The following SENP2 variants were observed in gnomAD, a reference collection of about 807,000 sequenced individuals.
The protein encoded by SENP2 is SUMO specific peptidase 2.
Under a neutral mutation model 86.3 loss-of-function variants are expected in SENP2, and 16 were observed. The ratio of observed to expected loss-of-function variants is 0.19; its 90% CI spans 0.13 to 0.28. SENP2 has a LOEUF of 0.28. Ranked by LOEUF, SENP2 falls within the 10% of genes least tolerant of loss-of-function variation. SENP2 has a pLI of 1.00. For synonymous variants in SENP2, 222 were observed against 238.7 expected, an observed-to-expected ratio of 0.93 and a Z score of 0.64; for missense variants, 552 against 703.0, an observed-to-expected ratio of 0.79 and a Z score of 2.43.
At chr3:185,590,319 A>T in intron 2 of SENP2, 150 bp downstream of exon 2, 1 of 344,486 alleles carries the variant, frequency 2.9e-6, no homozygotes, top group East Asian at 5.4e-5. Context: ...AGGCCAAGGC[A>T]GGCGGATCAC....
In SENP2 at chr3:185,612,634, T is replaced by A. The variant is rs2148990120; in HGVS notation, c.845T>A (p.Leu282Gln). 43 of 1,609,668 alleles carry A rather than the reference T, an allele frequency of 2.7e-5. No homozygotes were observed. The highest frequency in any genetic ancestry group is 3.7e-5 in the Non-Finnish European group (43 of 1,176,130). Residue 282 changes from leucine to glutamine, a missense_variant, in exon 9 of 17, where the codon CTA (leucine) becomes CAA (glutamine). Coordinates refer to ENST00000296257, the MANE Select transcript of SENP2 (RefSeq NM_021627.3). Reference protein sequence around the residue: ...QYRLVETRGPLCSLRSEKRCS... With the variant: ...QYRLVETRGPQCSLRSEKRCS... ...AGACTTGTTGAAACAAGGGGACCTC[T>A]ATGTTCATTGAGAAGTGAAAAGAGG...
At chr3:185,605,252 C>T (rs1432942311) in intron 5 of SENP2, among the ~76,000 whole-genome samples, 3 of 151,528 alleles carry the variant, frequency 2.0e-5, no homozygotes, top group Non-Finnish European at 4.4e-5. Context: ...GCGCCTGTAA[C>T]CCCAGCTACA....
chr3:185,611,508 T>G, intron 7 of SENP2, 143 bp from the exon 8 acceptor site: 1 of 548,818 alleles, frequency 1.8e-6, no homozygotes, highest in Non-Finnish European at 3.3e-6. Flanking sequence ...TAGTCCCACA[T>G]AGTTGCTTCC....
intron 15 of SENP2, among the ~76,000 whole-genome samples, chr3:185,625,954 G>A (rs1265629158): frequency 6.6e-6 from 1 of 152,144 alleles, no homozygotes; most frequent in Non-Finnish European, 1.5e-5. Flanking sequence ...GTGGGGTCGG[G>A]TCATGCACTC....
At position 185,614,670 on chromosome 3, in the gene SENP2, A is replaced by G. The variant is rs1196981558; in HGVS notation, c.1040A>G (p.Glu347Gly). ...GLLRRKVSII[E>G]TKEKNCSGKE... ...CTCAGGAGGAAAGTGTCAATAATTGAGACAAAGGAAAAGAATTGCTCAGGC... is the reference window on the plus strand; with the variant it reads ...CTCAGGAGGAAAGTGTCAATAATTGGGACAAAGGAAAAGAATTGCTCAGGC... Residue 347 changes from glutamate to glycine, a missense_variant, in exon 11 of 17, where the codon GAG (glutamate) becomes GGG (glycine). By Grantham distance (98) the Glu-to-Gly change is moderately conservative (BLOSUM62 -2). Around this residue, in one of 2 missense-constraint regions of SENP2, gnomAD observed 383 missense variants for 427.3 expected, o/e 0.90. Transcript: ENST00000296257. The G allele has an allele frequency of 7.4e-6, 12 of 1,614,126 alleles. No individual in the cohort carries two copies. In the Admixed American group the frequency reaches 2.0e-4, roughly 27 times the overall value.
chr3:185,613,441 G>A (rs1033048996), intron 10 of SENP2, 33 bp downstream of exon 10: 3 of 1,303,074 alleles, frequency 2.3e-6, no homozygotes, highest in Non-Finnish European at 3.3e-6. Context: ...TTTGATACCT[G>A]TTTACTTATG....
chr3:185,607,888 C>T (rs187172555), intron 6 of SENP2, among the ~76,000 whole-genome samples: 15 of 152,332 alleles, frequency 9.8e-5, no homozygotes, highest in Non-Finnish European at 2.1e-4. Flanking sequence ...AAATGGTGTG[C>T]ATCTCTGCTT....
At position 185,633,415 on chromosome 3, in the gene SENP2, G is replaced by C. The variant is rs1207326136; in HGVS notation, c.*3571G>C. On this transcript the variant is annotated 3_prime_UTR_variant, in exon 17 of 17. Transcript: ENST00000296257. ...TACTTACTAACTCATTTGTAAATTG[G>C]CGATGTAGCTGGCTGTAGTATTGCT... is the stretch of plus-strand genomic sequence containing the variant. The C allele has an allele frequency of 6.6e-6, 1 of 152,042 alleles. No individual in the cohort carries two copies. The highest frequency in any genetic ancestry group is 1.5e-5 in the Non-Finnish European group (1 of 68,006). 9.4% of individuals were successfully genotyped at this position (152,042 alleles called of 1,614,324 possible).
rs934043812 is a variant in SENP2, at chr3:185,586,693, C to T, written c.101+179C>T. Among the ~76,000 whole-genome samples the T allele has an allele frequency of 2.0e-5, 3 of 152,196 alleles. No individual in the cohort carries two copies. Among genetic ancestry groups the T allele is most frequent in the African/African-American group, 7.2e-5 (3 of 41,452 alleles). On this transcript the variant is annotated intron_variant, in intron 1 of 16. Transcript: ENST00000296257. This position sits in a 1 kb window ranked among gnomAD's most constrained non-coding sequence, Gnocchi z 4.3. Reference sequence around the variant, plus strand: ...AGCTCCTGATGAAGGAGGAGCTGGTCGTCTTCGTAGCGGCCGGTGATGGCA... The same window carrying T: ...AGCTCCTGATGAAGGAGGAGCTGGTTGTCTTCGTAGCGGCCGGTGATGGCA...
intron 8 of SENP2, 95 bp from the exon 9 acceptor site, chr3:185,612,512 T>C: frequency 1.2e-6 from 1 of 803,258 alleles, no homozygotes; most frequent in Non-Finnish European, 2.0e-6. Context: ...TGTAGAGGAA[T>C]GTCTTGATGT....
At position 185,633,375 on chromosome 3, in the gene SENP2, C is replaced by CAA. The variant is rs1420042980; in HGVS notation, c.*3533_*3534dup. 3 of 144,784 alleles carry CAA rather than the reference C, an allele frequency of 2.1e-5. No homozygotes were observed. Among genetic ancestry groups the CAA allele is most frequent in the Non-Finnish European group, 4.5e-5 (3 of 66,170 alleles). The allele number at this position is 144,784 out of a possible 1,614,324, so 9.0% of individuals were successfully genotyped here. A position where few individuals can be genotyped will look rare whatever the true frequency, so the allele number is the denominator to read the frequency against. On this transcript the variant is annotated 3_prime_UTR_variant, in exon 17 of 17. Transcript: ENST00000296257. ...GAAAAACTCTGAAGCACCTGATATT[C>CAA]AAACAAACTTATGGTACTTACTAAC...
chr3:185,608,672 C>T (rs569197887), intron 6 of SENP2, among the ~76,000 whole-genome samples: 95 of 152,178 alleles, frequency 6.2e-4, no homozygotes, highest in Non-Finnish European at 9.9e-4. Flanking sequence ...AGAAGAGATA[C>T]GGGCAAACCA....
intron 2 of SENP2, 54 bp from the exon 3 acceptor site, chr3:185,598,357 AT>A: frequency 1.3e-6 from 2 of 1,560,698 alleles, no homozygotes; most frequent in Non-Finnish European, 1.8e-6. Flanking sequence ...ATATCATTTT[AT>A]TTTTTAGCTG....
chr3:185,593,315 G>T (rs1722068852), intron 2 of SENP2, among the ~76,000 whole-genome samples: 1 of 152,180 alleles, frequency 6.6e-6, no homozygotes, highest in South Asian at 2.1e-4. Context: ...TTGCTATATT[G>T]CTCAGGCTGA....
intron 4 of SENP2, among the ~76,000 whole-genome samples, chr3:185,599,638 A>G (rs1722280362): frequency 6.6e-6 from 1 of 152,182 alleles, no homozygotes; most frequent in Non-Finnish European, 1.5e-5. Flanking sequence ...GAGAAGTTGT[A>G]GGTTTAAAAT....
At chr3:185,601,461 C>G (rs1244652013) in intron 5 of SENP2, among the ~76,000 whole-genome samples, 1 of 152,114 alleles carries the variant, frequency 6.6e-6, no homozygotes, top group African/African-American at 2.4e-5. Flanking sequence ...CAGAAAAGTG[C>G]TGAAATTATA....
At chr3:185,617,121 G>A (rs1009235642) in intron 11 of SENP2, among the ~76,000 whole-genome samples, 2 of 152,112 alleles carry the variant, frequency 1.3e-5, no homozygotes, top group African/African-American at 4.8e-5. Flanking sequence ...ACCAGGATTT[G>A]TTGTAAGTAT....
intron 1 of SENP2, among the ~76,000 whole-genome samples, chr3:185,588,378 A>T (rs1296577223): frequency 6.6e-6 from 1 of 150,906 alleles, no homozygotes; most frequent in African/African-American, 2.4e-5. Context: ...TTTTTAGTAG[A>T]GACGGGGTTT....
chr3:185,629,503 A>G (rs1174469095), intron 16 of SENP2, among the ~76,000 whole-genome samples: 2 of 151,866 alleles, frequency 1.3e-5, no homozygotes, highest in Admixed American at 1.3e-4. Flanking sequence ...GCTCGAACCC[A>G]GGAGGCAGAG....
Sources: allele counts gnomAD v4.1 joint callset (sites outside exome capture counted in the v4.1 genomes callset), GRCh38; gene constraint gnomAD v4.1.1; regional missense constraint gnomAD v4.1.1; non-coding constraint Gnocchi (gnomAD v3.1); transcripts MANE v1.5; gene names NCBI Gene and HGNC (gene_info 2026-07-23, HGNC 2026-07-21).